PKHD1: variants seen among roughly 807,000 people sequenced by gnomAD.
The protein encoded by PKHD1 is fibrocystin.
A neutral mutation model predicts 412.0 loss-of-function variants in PKHD1; 291 were observed. The ratio of observed to expected loss-of-function variants is 0.71; its 90% confidence interval spans 0.64 to 0.78. PKHD1 has a LOEUF of 0.78. Ranked by LOEUF, PKHD1 falls within the 30% of genes least tolerant of loss-of-function variation. The pLI is 0.00. For missense variants in PKHD1, 4,825 were observed against 4,950.7 expected, an observed-to-expected ratio of 0.97 and a Z score of 0.76; for synonymous variants, 1,777 against 1,821.5, an observed-to-expected ratio of 0.98 and a Z score of 0.62.
chr6:52,022,111 G>A (rs1801480847), intron 33 of PKHD1, among the ~76,000 whole-genome samples: 1 of 152,096 alleles, frequency 6.6e-6, no homozygotes, highest in South Asian at 2.1e-4. Context: ...GAAGCTCAGT[G>A]GGGTATTACC....
At chr6:51,710,956 T>C (rs189953241) in intron 60 of PKHD1, among the ~76,000 whole-genome samples, 1 of 152,294 alleles carries the variant, frequency 6.6e-6, no homozygotes, top group African/African-American at 2.4e-5. Flanking sequence ...AGGTACCTCT[T>C]GTGTGCTACT....
In PKHD1 at chr6:51,988,186, A is replaced by G. The variant is rs181506633; in HGVS notation, c.5751+22123T>C. Among the ~76,000 whole-genome samples the G allele has an allele frequency of 2.6e-5, 4 of 152,344 alleles. No homozygotes were observed. The East Asian group carries it at 7.7e-4, about 29-fold the overall frequency. On this transcript the variant is annotated intron_variant, in intron 35 of 66. Coordinates refer to ENST00000371117, the MANE Select transcript of PKHD1 (RefSeq NM_138694.4). Reference sequence around the variant, plus strand: ...ACAAAATCAACTTTCCTTGGTGATGAAAACGCCCTATGTCTTCAATTTGAT... The same window carrying G: ...ACAAAATCAACTTTCCTTGGTGATGGAAACGCCCTATGTCTTCAATTTGAT...
chr6:51,619,171 C>A lies in PKHD1; in HGVS notation c.12135G>T (p.Gly4045=), dbSNP rs773443553. ...AGGAGGCTTTCTTCTCTTGGGAAAG[C>A]CCCAAGCTGCCACTTTGCTTACTCA... is the stretch of plus-strand genomic sequence containing the variant. The part of the protein sequence containing the change: ...SRLSKQSGSL[G]LSQEKKASCG... Residue 4045 remains glycine, a synonymous_variant, in exon 67 of 67, where the codon GGG becomes GGT. Coordinates refer to ENST00000371117, the MANE Select transcript of PKHD1 (RefSeq NM_138694.4). 2.5e-6 allele frequency: 4 copies of A among 1,614,110 alleles called. No individual in the cohort carries two copies. The African/African-American group carries it at 4.0e-5, about 16-fold the overall frequency.
In PKHD1 at chr6:52,025,904, T is replaced by C. The variant is rs745871827; in HGVS notation, c.3906A>G (p.Val1302=). 1.2e-6 allele frequency: 2 copies of C among 1,614,154 alleles called. No individual in the cohort carries two copies. The highest frequency in any genetic ancestry group is 1.3e-5 in the African/African-American group (1 of 75,040). The part of the protein sequence containing the change: ...TFMYEAAATP[V]VTAMQGEITN... Reference sequence around the variant, plus strand: ...TGATTTCTCCTTGCATGGCAGTGACTACTGGTGTTGCTGCCGCTTCATACA... The same window carrying C: ...TGATTTCTCCTTGCATGGCAGTGACCACTGGTGTTGCTGCCGCTTCATACA... The change falls in exon 32 of 67, where the codon GTA becomes GTG. Residue 1302 remains valine (V), a synonymous_variant. Coordinates refer to ENST00000371117, the MANE Select transcript of PKHD1 (RefSeq NM_138694.4).
chr6:51,813,134 C>T lies in PKHD1; in HGVS notation c.8302+17727G>A, dbSNP rs142899912. Among the ~76,000 whole-genome samples, 460 of 152,254 alleles carry T rather than the reference C, an allele frequency of 3.0e-3. 3 individuals carry two copies. Among genetic ancestry groups the T allele is most frequent in the African/African-American group, 9.1e-3 (380 of 41,532 alleles). ...CCTTGAGCACAAGTTCTCAGGACCT[C>T]CTGAGGCTGTGTCACAGGACATGGT... On this transcript the variant is annotated intron_variant, in intron 52 of 66. Coordinates refer to ENST00000371117, the MANE Select transcript of PKHD1 (RefSeq NM_138694.4).
chr6:52,002,801 A>G (rs1798599142), intron 35 of PKHD1, among the ~76,000 whole-genome samples: 1 of 152,248 alleles, frequency 6.6e-6, no homozygotes, highest in Non-Finnish European at 1.5e-5. Context: ...TTTTCAAATT[A>G]GCCTCTAAAT....
rs191944658 is a variant in PKHD1, at chr6:51,873,252, A to G, written c.7351-2613T>C. On this transcript the variant is annotated intron_variant, in intron 46 of 66. Transcript: ENST00000371117. ...TAAATAACCAAACTTACAAATGATG[A>G]AAACAACCAGGTACAATAAGTTACA... Among the ~76,000 whole-genome samples the G allele has an allele frequency of 1.1e-3, 172 of 152,346 alleles. 1 individual carries two copies. Among genetic ancestry groups the G allele is most frequent in the African/African-American group, 3.8e-3 (158 of 41,590 alleles).
Position 52,082,456 on chromosome 6 carries a change from G to T in PKHD1, c.217C>A (p.Arg73=). ...VNVNMVVPAL[R]SVPCDVFPVF... is the part of the protein sequence containing the mutation. ...GGAAAGACGTCACAGGGAACACTCC[G>T]CAGTGCGGGCACCACCATGTTCACG... The change falls in exon 4 of 67, where the codon CGG becomes AGG. Residue 73 remains arginine, a synonymous_variant. Transcript: ENST00000371117. The T allele has an allele frequency of 6.2e-7, 1 of 1,613,994 alleles. No homozygotes were observed. Among genetic ancestry groups the T allele is most frequent in the Non-Finnish European group, 8.5e-7 (1 of 1,179,906 alleles).
intron 43 of PKHD1, among the ~76,000 whole-genome samples, chr6:51,888,647 T>G (rs2127562002): frequency 6.6e-6 from 1 of 152,062 alleles, no homozygotes; most frequent in South Asian, 2.1e-4. Context: ...GTCCTCACCC[T>G]TCCTGGTTCA....
Position 52,076,276 on chromosome 6 carries a change from C to T in PKHD1, c.448G>A (p.Gly150Arg). ...HQVYPPSGVP[G>R]KLIHVYGWII... ...CCTATTTTAATAGAAGATTTCTTAC[C>T]TGGAACACCACTTGGTGGATAAACT... The change falls in exon 6 of 67, where the codon GGA becomes AGA. Residue 150 changes from glycine to arginine, a missense_variant and splice_region_variant. Gly to Arg is a moderately radical substitution (Grantham distance 125, BLOSUM62 -2). Transcript: ENST00000371117. The T allele has an allele frequency of 5.0e-6, 8 of 1,606,034 alleles. No homozygotes were observed. Among genetic ancestry groups the T allele is most frequent in the Non-Finnish European group, 6.8e-6 (8 of 1,172,738 alleles).
At chr6:51,982,187 G>GT (rs1795469956) in intron 35 of PKHD1, among the ~76,000 whole-genome samples, 3 of 44,418 alleles carry the variant, frequency 6.8e-5, no homozygotes, top group Admixed American at 3.1e-4. Flanking sequence ...GAGGGAGGTG[G>GT]GGGGGTCAGC....
intron 28 of PKHD1, among the ~76,000 whole-genome samples, 188 bp from the exon 29 acceptor site, chr6:52,033,353 C>A (rs910201633): frequency 1.3e-5 from 2 of 152,302 alleles, no homozygotes; most frequent in Non-Finnish European, 2.9e-5. Context: ...ATCCTGCCCC[C>A]ACACCCACAA....
rs1800724393 is a variant in PKHD1, at chr6:52,017,478, G to C, written c.5532C>G (p.Ser1844=). 6.2e-7 allele frequency: 1 copy of C among 1,613,966 alleles called. No individual in the cohort carries two copies. The highest frequency in any genetic ancestry group is 8.5e-7 in the Non-Finnish European group (1 of 1,179,980). ...AATGATCTGGCACAAAGAGGCATTG[G>C]GAACTTTCCTCGCAAATGTAGAGGT... The part of the protein sequence containing the change: ...WPYLYICEES[S]QCLFVPDHWA... The change falls in exon 34 of 67, where the codon TCC becomes TCG. Residue 1844 remains serine, a synonymous_variant. Transcript: ENST00000371117.
rs75188228 is a variant in PKHD1 at position 51,646,772 on chromosome 6, A to G, written c.11398+1259T>C. On this transcript the variant is annotated intron_variant, in intron 63 of 66. Transcript: ENST00000371117. ...AGTAGATTCTGCTGATTCAACTTCTAAAAGACATTCTGAATCAATCCAGTT... is the reference window on the plus strand; with the variant it reads ...AGTAGATTCTGCTGATTCAACTTCTGAAAGACATTCTGAATCAATCCAGTT... 5.4e-3 allele frequency among the ~76,000 whole-genome samples: 826 copies of G among 152,276 alleles called. 7 individuals are homozygous for G. Among genetic ancestry groups the G allele is most frequent in the African/African-American group, 0.019 (780 of 41,550 alleles).
chr6:51,785,005 C>G (rs1392539225), intron 53 of PKHD1, among the ~76,000 whole-genome samples: 1 of 152,092 alleles, frequency 6.6e-6, no homozygotes, highest in Non-Finnish European at 1.5e-5. Context: ...ACTTATCTTC[C>G]TCATTTATTT....
chr6:52,026,066 C>T lies in PKHD1; in HGVS notation c.3744G>A (p.Trp1248Ter). The change falls in exon 32 of 67, where the codon TGG becomes TGA. Residue 1248 changes from tryptophan to a stop codon, truncating the protein, a stop_gained. Transcript: ENST00000371117. LOFTEE classifies it high-confidence loss of function. ...DIVNLTEASI[W>*]CETLPAPQIP... ...TCTGGGGGGCTGGCAGGGTTTCACA[C>T]CAGATGCTCGCCTCCGTTAAGTTCA... 1 of 1,614,150 alleles carries T rather than the reference C, an allele frequency of 6.2e-7. No homozygotes were observed. Among genetic ancestry groups the T allele is most frequent in the Non-Finnish European group, 8.5e-7 (1 of 1,180,028 alleles).
At chr6:51,853,293 C>T (rs1033924451) in intron 49 of PKHD1, among the ~76,000 whole-genome samples, 2 of 152,196 alleles carry the variant, frequency 1.3e-5, no homozygotes, top group Non-Finnish European at 2.9e-5. Flanking sequence ...GTCTGATGGG[C>T]TTCCCTTTGT....
chr6:51,620,530 G>A (rs1766474877), intron 66 of PKHD1, among the ~76,000 whole-genome samples: 1 of 151,970 alleles, frequency 6.6e-6, no homozygotes, highest in Non-Finnish European at 1.5e-5. Context: ...TACGTTTACT[G>A]TCCCTGCTTT....
chr6:51,800,740 C>T (rs1342887275), intron 52 of PKHD1, among the ~76,000 whole-genome samples: 1 of 152,162 alleles, frequency 6.6e-6, no homozygotes, highest in Non-Finnish European at 1.5e-5. Flanking sequence ...GGCAGACCCA[C>T]TGCTTGTATG....
Sources: gnomAD v4.1 joint callset for allele counts (sites outside exome capture counted in the v4.1 genomes callset) on GRCh38, gnomAD v4.1.1 for gene constraint, MANE v1.5 for transcripts, NCBI Gene and HGNC (gene_info 2026-07-23, HGNC 2026-07-21) for gene names.